MAPK8: variants seen among roughly 807,000 people sequenced by gnomAD.
MAPK8 encodes the protein JUN N-terminal kinase.
In MAPK8, 13 loss-of-function variants were observed where a neutral mutation model predicts 52.9. That is an observed-to-expected ratio of 0.25 (90% CI 0.16 to 0.39). The LOEUF (loss-of-function observed/expected upper bound fraction) is 0.39. MAPK8 is among the 10% of genes least tolerant of loss of function. MAPK8 has a pLI of 1.00. For synonymous variants in MAPK8, 191 were observed against 169.8 expected (o/e 1.12, Z -0.97); for missense variants, 300 against 519.2 (o/e 0.58, Z 4.10).
At chr10:48,434,226 GA>G (rs1306516776) in intron 11 of MAPK8, among the ~76,000 whole-genome samples, 21 of 152,164 alleles carry the variant, frequency 1.4e-4, no homozygotes, top group African/African-American at 5.1e-4. Flanking sequence ...TATTAGAGTA[GA>G]AATAAGAAGA....
At chr10:48,320,462 C>G (rs1454644192) in intron 1 of MAPK8, among the ~76,000 whole-genome samples, 2 of 151,816 alleles carry the variant, frequency 1.3e-5, no homozygotes, top group East Asian at 3.9e-4. Context: ...GTCTTGAACT[C>G]CTGGCCTCAA....
At position 48,361,630 on chromosome 10, in the gene MAPK8, A is replaced by G. The variant is rs117639109; in HGVS notation, c.-49-39982A>G. Reference sequence around the variant, plus strand: ...AAGTTTTTACCACTTCATACTACTAACATTGCTCTCTCTTGTACTATTATA... The same window carrying G: ...AAGTTTTTACCACTTCATACTACTAGCATTGCTCTCTCTTGTACTATTATA... On this transcript the variant is annotated intron_variant, in intron 1 of 11. Transcript: ENST00000374189. 4.6e-3 allele frequency among the ~76,000 whole-genome samples: 695 copies of G among 152,272 alleles called. 4 individuals are homozygous for G. The highest frequency in any genetic ancestry group is 7.6e-3 in the Non-Finnish European group (518 of 68,014).
intron 1 of MAPK8, among the ~76,000 whole-genome samples, chr10:48,385,738 T>C (rs2041274385): frequency 6.6e-6 from 1 of 152,194 alleles, no homozygotes; most frequent in South Asian, 2.1e-4. Flanking sequence ...ACAATTAAAC[T>C]TTTTACTTGT....
rs755896523 is a variant in MAPK8 at position 48,426,498 on chromosome 10, A to C, written c.990A>C (p.Ala330=). The stretch of plus-strand genomic sequence containing the variant: ...ATGTCTGGTATGATCCTTCTGAAGC[A>C]GAAGCTGTAAGTTATTTTCTTAATG... The part of the protein sequence containing the change: ...YINVWYDPSE[A]EAPPPKIPDK... The change falls in exon 9 of 12, where the codon GCA becomes GCC. Residue 330 remains alanine, a synonymous_variant. Transcript: ENST00000374189. 1 of 1,608,562 alleles carries C rather than the reference A, an allele frequency of 6.2e-7. No homozygotes were observed. Among genetic ancestry groups the C allele is most frequent in the East Asian group, 2.2e-5 (1 of 44,582 alleles).
chr10:48,370,645 C>A (rs1848459120), intron 1 of MAPK8, among the ~76,000 whole-genome samples: 1 of 152,032 alleles, frequency 6.6e-6, no homozygotes, highest in African/African-American at 2.4e-5. Context: ...GGGGAATGGA[C>A]CAATAGCGTC....
In MAPK8 at chr10:48,404,853, G is replaced by A. The variant is rs200350498; in HGVS notation, c.124G>A (p.Ala42Thr). Residue 42 changes from alanine to threonine, a missense_variant and splice_region_variant, in exon 3 of 12, where the codon GCA becomes ACA. Physicochemically the swap from Ala to Thr is moderately conservative, Grantham distance 58. Around this residue, in one of 3 missense-constraint regions of MAPK8, gnomAD observed 147 missense variants for 328.1 expected, o/e 0.45. Coordinates refer to ENST00000374189, the MANE Select transcript of MAPK8 (RefSeq NM_001323329.2). ...GTGTTTTTGAATTTCTTATTACAGCGCAGCTTATGATGCCATTCTTGAAAG... is the reference window on the plus strand; with the variant it reads ...GTGTTTTTGAATTTCTTATTACAGCACAGCTTATGATGCCATTCTTGAAAG... ...IGSGAQGIVC[A>T]AYDAILERNV... 2.0e-5 allele frequency: 31 copies of A among 1,585,358 alleles called. No individual in the cohort carries two copies. The highest frequency in any genetic ancestry group is 2.4e-5 in the Non-Finnish European group (28 of 1,168,646).
At chr10:48,354,382 G>T (rs1229588073) in intron 1 of MAPK8, among the ~76,000 whole-genome samples, 2 of 152,184 alleles carry the variant, frequency 1.3e-5, no homozygotes, top group Non-Finnish European at 2.9e-5. Context: ...CTGGGATGAT[G>T]AATCTGATAC....
Position 48,420,218 on chromosome 10 carries a change from C to T in MAPK8, c.514C>T (p.Leu172=). The T allele has an allele frequency of 6.2e-7, 1 of 1,613,644 alleles. No homozygotes were observed. Among genetic ancestry groups the T allele is most frequent in the Non-Finnish European group, 8.5e-7 (1 of 1,179,684 alleles). Residue 172 remains leucine, a synonymous_variant, in exon 6 of 12, where the codon CTG becomes TTG. Coordinates refer to ENST00000374189, the MANE Select transcript of MAPK8 (RefSeq NM_001323329.2). The part of the protein sequence containing the change: ...DCTLKILDFG[L]ARTAGTSFMM... The stretch of plus-strand genomic sequence containing the variant: ...CACTTTGAAGATTCTTGACTTCGGT[C>T]TGGCCAGGACTGCAGGAACGAGTTT...
At chr10:48,394,456 G>A (rs1249049924) in intron 1 of MAPK8, among the ~76,000 whole-genome samples, 1 of 151,798 alleles carries the variant, frequency 6.6e-6, no homozygotes, top group African/African-American at 2.4e-5. Flanking sequence ...ATCAATCAGT[G>A]TAATTAGCCA....
chr10:48,322,262 A>C (rs534849709), intron 1 of MAPK8, among the ~76,000 whole-genome samples: 12 of 152,096 alleles, frequency 7.9e-5, no homozygotes, highest in Admixed American at 5.2e-4. Context: ...GGAGTGAAGT[A>C]TTTGAAATTT....
chr10:48,386,456 G>A (rs1167192207), intron 1 of MAPK8, among the ~76,000 whole-genome samples: 2 of 152,166 alleles, frequency 1.3e-5, no homozygotes, highest in African/African-American at 4.8e-5. Context: ...TATTTATTCA[G>A]TTGAATGTCC....
At chr10:48,312,437 C>A (rs1004414559) in intron 1 of MAPK8, among the ~76,000 whole-genome samples, 1 of 152,178 alleles carries the variant, frequency 6.6e-6, no homozygotes, top group Non-Finnish European at 1.5e-5. Flanking sequence ...TATAGTCCTC[C>A]AGTACTGCCT....
At chr10:48,408,681 G>T (rs751052082) in intron 3 of MAPK8, among the ~76,000 whole-genome samples, 2 of 152,120 alleles carry the variant, frequency 1.3e-5, no homozygotes, top group African/African-American at 2.4e-5. Flanking sequence ...GCAGTAAATG[G>T]TAGCTGGATT....
chr10:48,426,310 A>G (rs1307678835), intron 8 of MAPK8, 70 bp from the exon 9 acceptor site: 2 of 1,384,660 alleles, frequency 1.4e-6, no homozygotes, highest in Admixed American at 2.6e-5. Context: ...AAAATCTCAA[A>G]TTGCTGAAAG....
chr10:48,343,901 T>TATATATATA, intron 1 of MAPK8, among the ~76,000 whole-genome samples: 1 of 152,224 alleles, frequency 6.6e-6, no homozygotes, highest in Non-Finnish European at 1.5e-5. Context: ...ACTTTGTCCA[T>TATATATATA]TTGCACTTGG....
intron 6 of MAPK8, 35 bp downstream of exon 6, chr10:48,420,355 A>T: frequency 6.5e-7 from 1 of 1,534,228 alleles, no homozygotes; most frequent in African/African-American, 1.4e-5. Context: ...TATTTTTCTG[A>T]TTTAGCTTTT....
At chr10:48,402,724 C>T (rs944629292) in intron 2 of MAPK8, among the ~76,000 whole-genome samples, 7 of 151,992 alleles carry the variant, frequency 4.6e-5, no homozygotes, top group Non-Finnish European at 1.0e-4. Flanking sequence ...ATTTATAATC[C>T]AGTATTTCTC....
At chr10:48,376,045 A>G (rs2040641314) in intron 1 of MAPK8, among the ~76,000 whole-genome samples, 1 of 152,214 alleles carries the variant, frequency 6.6e-6, no homozygotes, top group Admixed American at 6.5e-5. Flanking sequence ...ACAGATATAT[A>G]GACCAATGGA....
At chr10:48,319,206 G>A (rs567129381) in intron 1 of MAPK8, among the ~76,000 whole-genome samples, 1 of 152,328 alleles carries the variant, frequency 6.6e-6, no homozygotes, top group South Asian at 2.1e-4. Flanking sequence ...AGTGTGTCAT[G>A]TGTAATAAGG....
Sources: allele counts gnomAD v4.1 joint callset (sites outside exome capture counted in the v4.1 genomes callset), GRCh38; gene constraint gnomAD v4.1.1; regional missense constraint gnomAD v4.1.1; transcripts MANE v1.5; gene names NCBI Gene and HGNC (gene_info 2026-07-23, HGNC 2026-07-21).